AGBL4: variants seen among roughly 807,000 people sequenced by gnomAD.
The protein encoded by AGBL4 is cytosolic carboxypeptidase 6.
Under a neutral mutation model 66.4 loss-of-function variants are expected in AGBL4, and 58 were observed. That is an observed-to-expected ratio of 0.87 (90% CI 0.71 to 1.09). The LOEUF is 1.09. Ranked by LOEUF, AGBL4 falls within the 50% of genes least tolerant of loss-of-function variation. The pLI is 0.00. For missense variants in AGBL4, 579 were observed against 631.0 expected, an observed-to-expected ratio of 0.92 and a Z score of 0.88; for synonymous variants, 234 against 222.9, an observed-to-expected ratio of 1.05 and a Z score of -0.44.
intron 6 of AGBL4, among the ~76,000 whole-genome samples, chr1:48,689,203 C>CAAAAAAAAAAAAAA (rs939955179): frequency 3.7e-5 from 2 of 53,334 alleles, no homozygotes; most frequent in African/African-American, 1.2e-4. Context: ...GACCCGGTCT[C>CAAAAAAAAAAAAAA]AAAAAAAAAA....
intron 3 of AGBL4, among the ~76,000 whole-genome samples, chr1:49,486,813 A>G (rs1333471182): frequency 6.6e-6 from 1 of 151,994 alleles, no homozygotes; most frequent in African/African-American, 2.4e-5. Context: ...TGGGACAAAC[A>G]CCCTTAGAAC....
At chr1:48,845,116 T>C (rs945645672) in intron 6 of AGBL4, among the ~76,000 whole-genome samples, 1 of 152,118 alleles carries the variant, frequency 6.6e-6, no homozygotes. Context: ...CTTGGAACAA[T>C]AGTGGGGAGG....
At chr1:49,497,897 C>A (rs1647755069) in intron 3 of AGBL4, among the ~76,000 whole-genome samples, 1 of 151,902 alleles carries the variant, frequency 6.6e-6, no homozygotes, top group African/African-American at 2.4e-5. Context: ...TTTGTTTTTT[C>A]AATTTCTGTG....
chr1:49,955,164 T>C (rs1016031695), intron 1 of AGBL4, among the ~76,000 whole-genome samples: 2 of 151,982 alleles, frequency 1.3e-5, no homozygotes, highest in Non-Finnish European at 2.9e-5. Context: ...TTGAATCATA[T>C]AAAAATATTC....
At chr1:49,585,501 A>C (rs1397743058) in intron 3 of AGBL4, among the ~76,000 whole-genome samples, 1 of 152,174 alleles carries the variant, frequency 6.6e-6, no homozygotes, top group Non-Finnish European at 1.5e-5. Context: ...CCAAGAAGCC[A>C]GTGCCCTCAA....
At chr1:49,037,464 C>A (rs1426210610) in intron 5 of AGBL4, among the ~76,000 whole-genome samples, 1 of 152,070 alleles carries the variant, frequency 6.6e-6, no homozygotes, top group East Asian at 1.9e-4. Context: ...AGTCCAAATT[C>A]TTTAATTCGG....
chr1:49,262,429 A>G (rs1181860262), intron 3 of AGBL4, among the ~76,000 whole-genome samples: 1 of 152,204 alleles, frequency 6.6e-6, no homozygotes, highest in African/African-American at 2.4e-5. Context: ...TAATATCCAG[A>G]ATCTACAATG....
chr1:49,127,550 G>A (rs111997669), intron 4 of AGBL4, among the ~76,000 whole-genome samples: 5 of 152,166 alleles, frequency 3.3e-5, no homozygotes, highest in African/African-American at 1.2e-4. Flanking sequence ...AAATATGCAT[G>A]GGGTGAACTT....
At chr1:48,745,051 C>G (rs1192658379) in intron 6 of AGBL4, among the ~76,000 whole-genome samples, 3 of 152,216 alleles carry the variant, frequency 2.0e-5, no homozygotes, top group African/African-American at 7.2e-5. Flanking sequence ...CAATCATCTG[C>G]CTGTCGGTTT....
intron 6 of AGBL4, among the ~76,000 whole-genome samples, chr1:48,819,449 C>G (rs1646261836): frequency 6.6e-6 from 1 of 152,118 alleles, no homozygotes; most frequent in Non-Finnish European, 1.5e-5. Flanking sequence ...AAGTGTTAAG[C>G]AGGGTCAGGA....
chr1:49,663,457 C>G (rs941366717), intron 3 of AGBL4, among the ~76,000 whole-genome samples: 2 of 152,210 alleles, frequency 1.3e-5, no homozygotes, highest in South Asian at 2.1e-4. Flanking sequence ...GAAGGCTTTG[C>G]AATATGAGAC....
At chr1:49,952,086 A>G (rs1454644902) in intron 1 of AGBL4, among the ~76,000 whole-genome samples, 1 of 151,800 alleles carries the variant, frequency 6.6e-6, no homozygotes, top group Non-Finnish European at 1.5e-5. Context: ...GATAGTGATA[A>G]TGGTTGTACA....
chr1:48,904,742 CA>C (rs1405630644), intron 5 of AGBL4, among the ~76,000 whole-genome samples: 103 of 152,224 alleles, frequency 6.8e-4, no homozygotes, highest in African/African-American at 2.3e-3. Context: ...AATTATTGAA[CA>C]ATATTAGCAA....
intron 11 of AGBL4, among the ~76,000 whole-genome samples, chr1:48,583,197 C>T (rs1001782931): frequency 1.3e-5 from 2 of 152,214 alleles, no homozygotes; most frequent in Admixed American, 6.5e-5. Context: ...GCCCTACAAA[C>T]CCTAACAACA....
intron 6 of AGBL4, among the ~76,000 whole-genome samples, chr1:48,836,659 G>T (rs1277677669): frequency 2.0e-5 from 3 of 152,002 alleles, no homozygotes; most frequent in Non-Finnish European, 4.4e-5. Context: ...AAAATGCCTT[G>T]GATGATGATA....
chr1:49,239,068 T>C (rs1296759435), intron 4 of AGBL4, among the ~76,000 whole-genome samples: 1 of 152,198 alleles, frequency 6.6e-6, no homozygotes, highest in Non-Finnish European at 1.5e-5. Flanking sequence ...TGTAATATTT[T>C]ACCTTTTCTT....
chr1:48,530,605 T>C (rs1171869773), downstream of AGBL4, among the ~76,000 whole-genome samples: 2 of 152,184 alleles, frequency 1.3e-5, no homozygotes, highest in African/African-American at 4.8e-5. Flanking sequence ...ACCAACCTCC[T>C]CTGCTGGGGG....
At chr1:49,177,549 A>G (rs1248285259) in intron 4 of AGBL4, among the ~76,000 whole-genome samples, 1 of 152,190 alleles carries the variant, frequency 6.6e-6, no homozygotes, top group East Asian at 1.9e-4. Context: ...TCATATTGAA[A>G]CAGTAAACCT....
intron 5 of AGBL4, among the ~76,000 whole-genome samples, chr1:48,961,042 T>C (rs548455156): frequency 6.6e-6 from 1 of 152,220 alleles, no homozygotes; most frequent in South Asian, 2.1e-4. Context: ...CAGTACCACA[T>C]ACCACTGTTC....
Sources: gnomAD v4.1 joint callset for allele counts (sites outside exome capture counted in the v4.1 genomes callset) on GRCh38, gnomAD v4.1.1 for gene constraint, MANE v1.5 for transcripts, NCBI Gene and HGNC (gene_info 2026-07-23, HGNC 2026-07-21) for gene names.